The following FRYL variants were observed in gnomAD, a reference collection of about 807,000 sequenced individuals.
The protein encoded by FRYL is protein furry homolog-like.
In FRYL, 150 loss-of-function variants were observed where a neutral mutation model predicts 351.2. The observed-to-expected ratio is 0.43, with a 90% CI of 0.37 to 0.49. The LOEUF is 0.49. Among genes scored for constraint, FRYL ranks in the 20% least tolerant of loss-of-function variants. The pLI, the probability that FRYL is intolerant of heterozygous loss-of-function variation, is 0.00. For missense variants in FRYL, 3,036 were observed against 3,619.3 expected, an observed-to-expected ratio of 0.84 and a Z score of 4.13; for synonymous variants, 1,153 against 1,257.1, an observed-to-expected ratio of 0.92 and a Z score of 1.75.
chr4:48,663,339 T>A (rs375904437), intron 3 of FRYL, among the ~76,000 whole-genome samples: 5 of 106,640 alleles, frequency 4.7e-5, no homozygotes, highest in Admixed American at 4.6e-4. Context: ...ATATATAATT[T>A]AATTTAATTT....
intron 1 of FRYL, among the ~76,000 whole-genome samples, chr4:48,773,893 C>A (rs1775759886): frequency 1.3e-5 from 2 of 152,132 alleles, no homozygotes; most frequent in African/African-American, 2.4e-5. Flanking sequence ...CCACTGCACT[C>A]CAGCCTGGGA....
At chr4:48,752,959 T>C (rs1560355747) in intron 1 of FRYL, among the ~76,000 whole-genome samples, 1 of 151,974 alleles carries the variant, frequency 6.6e-6, no homozygotes, top group Non-Finnish European at 1.5e-5. Flanking sequence ...AGTCCGTTAA[T>C]TGCAGCCAAA....
chr4:48,754,648 T>C (rs1773584557), intron 1 of FRYL, among the ~76,000 whole-genome samples: 1 of 142,632 alleles, frequency 7.0e-6, no homozygotes, highest in Non-Finnish European at 1.5e-5. Flanking sequence ...ACACTTGTGA[T>C]TTTCTGGGGT....
chr4:48,542,530 C>A (rs1423876443), intron 44 of FRYL, among the ~76,000 whole-genome samples: 1 of 152,214 alleles, frequency 6.6e-6, no homozygotes, highest in African/African-American at 2.4e-5. Flanking sequence ...GATTCTCCTG[C>A]CTCAGCCTCC....
intron 63 of FRYL, 54 bp downstream of exon 63, chr4:48,499,973 TTAC>T (rs1719192484): frequency 8.4e-7 from 1 of 1,187,034 alleles, no homozygotes; most frequent in African/African-American, 1.5e-5. Context: ...AAACCTAGTA[TTAC>T]TAAACTTCCT....
intron 21 of FRYL, among the ~76,000 whole-genome samples, chr4:48,581,207 AT>A (rs1253800613): frequency 6.7e-5 from 10 of 149,292 alleles, no homozygotes; most frequent in African/African-American, 9.8e-5. Context: ...CGCCCGGCTA[AT>A]TTTTTTTTTA....
intron 59 of FRYL, among the ~76,000 whole-genome samples, chr4:48,508,390 T>C (rs1010402011): frequency 6.6e-6 from 1 of 152,220 alleles, no homozygotes; most frequent in Admixed American, 6.5e-5. Context: ...TTGATAAACA[T>C]GGTATATAGT....
Position 48,573,917 on chromosome 4 carries a change from C to T in FRYL, c.2847-674G>A, listed in dbSNP as rs189709353. 2.0e-5 allele frequency among the ~76,000 whole-genome samples: 3 copies of T among 152,252 alleles called. No homozygotes were observed. In the East Asian group the frequency reaches 5.8e-4, roughly 29 times the overall value. On this transcript the variant is annotated intron_variant, in intron 25 of 63. Transcript: ENST00000358350. ...CAATAATTAATTCATGATATTCGAA[C>T]ATAGGGTGGGGTACCATAATTTTCC...
At chr4:48,583,693 G>A (rs531536419) in intron 19 of FRYL, among the ~76,000 whole-genome samples, 250 of 151,802 alleles carry the variant, frequency 1.6e-3, no homozygotes, top group African/African-American at 4.3e-3. Context: ...ACTTGAGGTC[G>A]GGAGTTCGAG....
rs773715405 is a variant in FRYL, at chr4:48,579,175, TAGG to T, written c.2323_2325del (p.Pro775del). On this transcript the variant is annotated inframe_deletion, in exon 23 of 64. Transcript: ENST00000358350. ...CTAATCACATCAAACTGGTGGCTAA[TAGG>T]AGAAGAGTTCCATTCTGCTAAAGTT... 1.2e-6 allele frequency: 2 copies of T among 1,613,866 alleles called. No individual in the cohort carries two copies. The highest frequency in any genetic ancestry group is 1.1e-5 in the South Asian group (1 of 91,068).
At chr4:48,708,929 G>GTTTTTTGTTTTTTT (rs758528740) in intron 2 of FRYL, among the ~76,000 whole-genome samples, 1 of 141,396 alleles carries the variant, frequency 7.1e-6, no homozygotes, top group Non-Finnish European at 1.5e-5. Flanking sequence ...TTTGTTTTTT[G>GTTTTTTGTTTTTTT]TTTTTTTTTT....
chr4:48,593,653 C>T lies in FRYL; in HGVS notation c.1335+277G>A, dbSNP rs575823127. Among the ~76,000 whole-genome samples, 138 of 152,220 alleles carry T rather than the reference C, an allele frequency of 9.1e-4. 2 individuals carry two copies. The highest frequency in any genetic ancestry group is 6.0e-3 in the Admixed American group (92 of 15,288). ...TGCTGGGATTACAGGCATGAGCCAC[C>T]GTGCCCGGCCTATTTATTATTTTCT... On this transcript the variant is annotated intron_variant, in intron 16 of 63. Coordinates refer to ENST00000358350, the MANE Select transcript of FRYL (RefSeq NM_015030.2).
chr4:48,527,662 C>T lies in FRYL; in HGVS notation c.7141-9G>A, dbSNP rs1221015431. 1 of 1,457,232 alleles carries T rather than the reference C, an allele frequency of 6.9e-7. No homozygotes were observed. The highest frequency in any genetic ancestry group is 2.4e-5 in the African/African-American group (1 of 40,948). The allele number at this position is 1,457,232 out of a possible 1,614,324, so 90.3% of individuals were successfully genotyped here. ...TTAGAAGAAAATACAACCTGATGCC[C>T]GATTAAAAAAAAAAAAAAAGTCCAT... On this transcript the variant is annotated splice_polypyrimidine_tract_variant and intron_variant, in intron 52 of 63. Coordinates refer to ENST00000358350, the MANE Select transcript of FRYL (RefSeq NM_015030.2).
chr4:48,761,961 C>T (rs573388884), intron 1 of FRYL, among the ~76,000 whole-genome samples: 5 of 152,194 alleles, frequency 3.3e-5, no homozygotes, highest in East Asian at 1.9e-4. Flanking sequence ...GAGGTGGGAC[C>T]TTTAGGAAGT....
intron 7 of FRYL, among the ~76,000 whole-genome samples, chr4:48,614,144 T>A (rs1472777525): frequency 6.6e-6 from 1 of 152,036 alleles, no homozygotes; most frequent in Admixed American, 6.5e-5. Flanking sequence ...AAAAAATACA[T>A]AAGTTCTAAA....
chr4:48,620,574 T>C (rs1297580863), intron 6 of FRYL, 65 bp downstream of exon 6: 24 of 1,484,506 alleles, frequency 1.6e-5, no homozygotes, highest in East Asian at 2.3e-5. Context: ...CTTCAGTTGA[T>C]AATATCACCC....
At chr4:48,733,432 T>C (rs980316442) in intron 1 of FRYL, among the ~76,000 whole-genome samples, 1 of 151,540 alleles carries the variant, frequency 6.6e-6, no homozygotes, top group Non-Finnish European at 1.5e-5. Flanking sequence ...TTGAAAGAAA[T>C]GTTAAAAGAA....
At position 48,589,830 on chromosome 4, in the gene FRYL, G is replaced by C; in HGVS notation, c.1555C>G (p.Leu519Val). ...PQVRKALDSI[L>V]RHLDKEVGRP... ...CCAACTTCTTTGTCCAAATGTCTGA[G>C]GATGCTATCTAATGCTTTTCTTACT... Residue 519 changes from leucine to valine, a missense_variant, in exon 18 of 64, where the codon CTC becomes GTC. Leu to Val is a conservative substitution (Grantham distance 32). Coordinates refer to ENST00000358350, the MANE Select transcript of FRYL (RefSeq NM_015030.2). 1 of 1,613,624 alleles carries C rather than the reference G, an allele frequency of 6.2e-7. No individual in the cohort carries two copies. The highest frequency in any genetic ancestry group is 8.5e-7 in the Non-Finnish European group (1 of 1,179,608).
intron 17 of FRYL, 80 bp from the exon 18 acceptor site, chr4:48,589,957 A>C: frequency 2.4e-6 from 3 of 1,237,650 alleles, no homozygotes; most frequent in Middle Eastern, 2.0e-4. Flanking sequence ...AAGCCTATTA[A>C]TCTTTAAATG....
Sources: allele counts gnomAD v4.1 joint callset (sites outside exome capture counted in the v4.1 genomes callset), GRCh38; gene constraint gnomAD v4.1.1; transcripts MANE v1.5; gene names NCBI Gene and HGNC (gene_info 2026-07-23, HGNC 2026-07-21).